TBC1D22A: variants seen among roughly 807,000 people sequenced by gnomAD.
TBC1D22A encodes putative GTPase activator.
A neutral mutation model predicts 60.2 loss-of-function variants in TBC1D22A; 38 were observed. The ratio of observed to expected loss-of-function variants is 0.63; its 90% CI spans 0.49 to 0.83. The LOEUF (loss-of-function observed/expected upper bound fraction) is 0.83. Among genes scored for constraint, TBC1D22A ranks in the 40% least tolerant of loss-of-function variants. TBC1D22A has a pLI of 0.00. For missense variants in TBC1D22A, 628 were observed against 701.0 expected (o/e 0.90, Z 1.18); for synonymous variants, 302 against 281.7 (o/e 1.07, Z -0.72).
intron 4 of TBC1D22A, among the ~76,000 whole-genome samples, chr22:46,862,154 G>T (rs894109139): frequency 1.3e-5 from 2 of 152,230 alleles, no homozygotes; most frequent in African/African-American, 4.8e-5. Context: ...GTTAATGAGT[G>T]AGTGTGAAGA....
chr22:46,935,114 A>C (rs1342159779), intron 8 of TBC1D22A, among the ~76,000 whole-genome samples: 1 of 152,124 alleles, frequency 6.6e-6, no homozygotes, highest in African/African-American at 2.4e-5. Context: ...CTGGTCACTG[A>C]TATGACTCCC....
chr22:46,801,573 A>C (rs2084897941), intron 4 of TBC1D22A, among the ~76,000 whole-genome samples: 1 of 152,234 alleles, frequency 6.6e-6, no homozygotes, highest in African/African-American at 2.4e-5. Flanking sequence ...GGAAAATGAC[A>C]CTCAAGTTGG....
At position 46,923,762 on chromosome 22, in the gene TBC1D22A, C is replaced by T. The variant is rs534545110; in HGVS notation, c.1015+11574C>T. On this transcript the variant is annotated intron_variant, in intron 8 of 12. Coordinates refer to ENST00000337137, the MANE Select transcript of TBC1D22A (RefSeq NM_014346.5). ...ATAGTCGAGTGCATATTATCTATAA[C>T]ATTTTGTTTCATGTTTTTTTCCCAC... Among the ~76,000 whole-genome samples, 7 of 152,334 alleles carry T rather than the reference C, an allele frequency of 4.6e-5. No individual in the cohort carries two copies. The South Asian group carries it at 1.4e-3, about 32-fold the overall frequency.
At chr22:46,964,449 G>A (rs528542226) in intron 8 of TBC1D22A, among the ~76,000 whole-genome samples, 4 of 152,194 alleles carry the variant, frequency 2.6e-5, no homozygotes, top group Admixed American at 2.0e-4. Flanking sequence ...AGGGAGGCCC[G>A]TATATTCTTT....
intron 8 of TBC1D22A, among the ~76,000 whole-genome samples, chr22:46,966,508 A>G (rs1311816117): frequency 6.6e-6 from 1 of 152,208 alleles, no homozygotes; most frequent in Non-Finnish European, 1.5e-5. Flanking sequence ...AGAAGAAATC[A>G]CTGTTTCAAC....
intron 11 of TBC1D22A, among the ~76,000 whole-genome samples, chr22:47,091,602 C>T (rs1261521962): frequency 6.6e-6 from 1 of 151,292 alleles, no homozygotes; most frequent in Non-Finnish European, 1.5e-5. Context: ...CACGATAAGT[C>T]GTCTTTCGGG....
chr22:46,937,427 C>G (rs533458311), intron 8 of TBC1D22A, among the ~76,000 whole-genome samples: 2 of 152,318 alleles, frequency 1.3e-5, no homozygotes, highest in South Asian at 4.1e-4. Context: ...CATGCATTAA[C>G]CACGTGTTTG....
intron 10 of TBC1D22A, among the ~76,000 whole-genome samples, chr22:47,015,148 A>G (rs1225725063): frequency 6.6e-6 from 1 of 152,226 alleles, no homozygotes; most frequent in Non-Finnish European, 1.5e-5. Context: ...GGAGTCACAC[A>G]TCGCACACAC....
chr22:46,763,999 C>G (rs1421716094), intron 1 of TBC1D22A: 1 of 152,158 alleles, frequency 6.6e-6, no homozygotes, highest in East Asian at 1.9e-4. Flanking sequence ...GAGGCTGAGG[C>G]AGGAGAATCA....
chr22:46,967,621 A>T (rs954290020), intron 8 of TBC1D22A, among the ~76,000 whole-genome samples: 8 of 152,160 alleles, frequency 5.3e-5, no homozygotes, highest in African/African-American at 1.9e-4. Context: ...TGCTCTCCAT[A>T]CCTTGCTACC....
chr22:46,929,755 CAT>C (rs1257639949), intron 8 of TBC1D22A, among the ~76,000 whole-genome samples: 2 of 152,074 alleles, frequency 1.3e-5, no homozygotes, highest in African/African-American at 4.8e-5. Flanking sequence ...CATGCATGCA[CAT>C]GTGTGGTAAA....
At chr22:46,771,243 C>T (rs1011706363) in intron 1 of TBC1D22A, among the ~76,000 whole-genome samples, 1 of 152,126 alleles carries the variant, frequency 6.6e-6, no homozygotes, top group African/African-American at 2.4e-5. Context: ...CCCATCGCCT[C>T]CAAGTGTTTT....
intron 2 of TBC1D22A, 87 bp from the exon 3 acceptor site, chr22:46,793,414 C>G: frequency 7.7e-7 from 1 of 1,304,912 alleles, no homozygotes; most frequent in East Asian, 2.4e-5. Flanking sequence ...ACTTCTATGC[C>G]TGTCTTTTCA....
At chr22:47,076,353 A>ATGTGTGTGTG (rs1288517301) in intron 11 of TBC1D22A, among the ~76,000 whole-genome samples, 5 of 107,774 alleles carry the variant, frequency 4.6e-5, no homozygotes, top group African/African-American at 1.7e-4. Flanking sequence ...ATATATATAT[A>ATGTGTGTGTG]TGTGTGTGTA....
chr22:46,978,002 A>G (rs1256896303), intron 9 of TBC1D22A, among the ~76,000 whole-genome samples: 1 of 152,250 alleles, frequency 6.6e-6, no homozygotes, highest in Non-Finnish European at 1.5e-5. Flanking sequence ...TTTAACACGC[A>G]TTGTGGGACT....
intron 10 of TBC1D22A, among the ~76,000 whole-genome samples, chr22:47,010,795 C>T (rs1418945919): frequency 6.8e-6 from 1 of 146,998 alleles, no homozygotes; most frequent in Non-Finnish European, 1.5e-5. Flanking sequence ...TATTTTGTTG[C>T]ATTTTTGGGA....
intron 1 of TBC1D22A, among the ~76,000 whole-genome samples, chr22:46,776,875 G>A (rs1306032220): frequency 6.6e-6 from 1 of 152,078 alleles, no homozygotes; most frequent in Non-Finnish European, 1.5e-5. Context: ...GAAGGCATAC[G>A]AGTTCTTCCC....
At chr22:46,867,751 A>G (rs1032655572) in intron 4 of TBC1D22A, among the ~76,000 whole-genome samples, 2 of 152,276 alleles carry the variant, frequency 1.3e-5, no homozygotes, top group African/African-American at 2.4e-5. Flanking sequence ...GGACTAGGGC[A>G]GCATGCGATC....
intron 8 of TBC1D22A, among the ~76,000 whole-genome samples, chr22:46,949,872 AG>A (rs1425090002): frequency 2.0e-5 from 3 of 152,178 alleles, no homozygotes; most frequent in African/African-American, 7.2e-5. Flanking sequence ...GGAGACTTCC[AG>A]GGGGCCCTGA....
Sources: allele counts gnomAD v4.1 joint callset (sites outside exome capture counted in the v4.1 genomes callset), GRCh38; gene constraint gnomAD v4.1.1; transcripts MANE v1.5; gene names NCBI Gene and HGNC (gene_info 2026-07-23, HGNC 2026-07-21).